PDE4D: variants seen among roughly 807,000 people sequenced by gnomAD.
PDE4D encodes 3',5'-cyclic-AMP phosphodiesterase 4D.
PDE4D carries 24 observed loss-of-function variants against 87.4 expected under a neutral mutation model. The observed-to-expected ratio is 0.27, with a 90% CI of 0.20 to 0.39. The LOEUF is 0.39. Ranked by LOEUF, PDE4D falls within the 10% of genes least tolerant of loss-of-function variation. The pLI is 1.00. For missense variants in PDE4D, 714 were observed against 1,041.0 expected, an observed-to-expected ratio of 0.69 and a Z score of 4.32; for synonymous variants, 384 against 383.2, an observed-to-expected ratio of 1.00 and a Z score of -0.02.
intron 1 of PDE4D, among the ~76,000 whole-genome samples, chr5:59,631,578 G>A (rs1157608343): frequency 1.3e-5 from 2 of 152,052 alleles, no homozygotes; most frequent in Admixed American, 6.6e-5. Flanking sequence ...GTTAGACAGT[G>A]GGTGCAGCCC....
rs115172015 is a variant in PDE4D, at chr5:60,301,365, C to T, written c.-89-115678G>A. Among the ~76,000 whole-genome samples, 703 of 151,946 alleles carry T rather than the reference C, an allele frequency of 4.6e-3. 6 individuals carry two copies. Among genetic ancestry groups the T allele is most frequent in the African/African-American group, 0.016 (671 of 41,508 alleles). ...CATGAGCATGAAATGTTGTTCCATT[C>T]GTGTTATGTCTGATTTCTTTGAGCA... On this transcript the variant is annotated intron_variant, in intron 1 of 16. Coordinates refer to the PDE4D transcript ENST00000502484.
intron 2 of PDE4D, among the ~76,000 whole-genome samples, chr5:60,090,608 A>G (rs768683421): frequency 4.6e-5 from 7 of 152,200 alleles, no homozygotes; most frequent in Non-Finnish European, 1.0e-4. Context: ...CTTTCTTCCA[A>G]GATCTGAACA....
rs148616744 is a variant in PDE4D, at chr5:59,019,019, C to G, written c.921+19840G>C. ...AGGGCATTTCCGCTTAGATACATAG[C>G]CTTACCTAAATTATATGTCTAAAAA... On this transcript the variant is annotated intron_variant, in intron 6 of 14. Transcript: ENST00000340635. Among the ~76,000 whole-genome samples, 74 of 151,634 alleles carry G rather than the reference C, an allele frequency of 4.9e-4. 1 individual carries two copies. The East Asian group carries it at 0.012, about 24-fold the overall frequency.
intron 1 of PDE4D, among the ~76,000 whole-genome samples, chr5:59,518,212 T>C (rs552799703): frequency 6.6e-6 from 1 of 152,080 alleles, no homozygotes; most frequent in South Asian, 2.1e-4. Flanking sequence ...TGTGTGTGTG[T>C]GTGTGTGTGT....
At chr5:59,591,709 T>C (rs1360777787) in intron 1 of PDE4D, among the ~76,000 whole-genome samples, 1 of 152,176 alleles carries the variant, frequency 6.6e-6, no homozygotes, top group African/African-American at 2.4e-5. Flanking sequence ...TTTTGTCCCT[T>C]AGATGTCAAA....
At chr5:60,114,275 A>C (rs1321892770) in intron 2 of PDE4D, among the ~76,000 whole-genome samples, 1 of 152,110 alleles carries the variant, frequency 6.6e-6, no homozygotes, top group African/African-American at 2.4e-5. Flanking sequence ...ATATAAGTGA[A>C]GTGGTAGGGC....
intron 1 of PDE4D, among the ~76,000 whole-genome samples, chr5:59,527,315 T>A (rs1413410490): frequency 6.6e-6 from 1 of 152,222 alleles, no homozygotes; most frequent in African/African-American, 2.4e-5. Flanking sequence ...GATCCTTTTT[T>A]AACCCTGTAA....
chr5:59,779,693 T>C lies in PDE4D; in HGVS notation c.455+113475A>G, dbSNP rs903855964. Among the ~76,000 whole-genome samples, 9 of 152,232 alleles carry C rather than the reference T, an allele frequency of 5.9e-5. No individual in the cohort carries two copies. The South Asian group carries it at 1.9e-3, about 32-fold the overall frequency. On this transcript the variant is annotated intron_variant, in intron 1 of 14. Coordinates refer to ENST00000340635, the MANE Select transcript of PDE4D (RefSeq NM_001104631.2). ...TCTCTTGCTATTTTTAGCTGATGCA[T>C]AGTATTCAATAGTATGGTTATTTCA...
intron 1 of PDE4D, among the ~76,000 whole-genome samples, chr5:59,302,453 T>G (rs1277900710): frequency 6.6e-6 from 1 of 152,158 alleles, no homozygotes; most frequent in African/African-American, 2.4e-5. Flanking sequence ...TAGTGGTGAT[T>G]TGTGAGATTT....
intron 1 of PDE4D, among the ~76,000 whole-genome samples, chr5:59,357,495 G>GAA: frequency 6.6e-6 from 1 of 150,566 alleles, no homozygotes; most frequent in East Asian, 1.9e-4. Flanking sequence ...GTCAGTGTGA[G>GAA]AAAAAAAAAC....
At chr5:59,173,299 A>T (rs1783304394) in intron 5 of PDE4D, among the ~76,000 whole-genome samples, 1 of 152,194 alleles carries the variant, frequency 6.6e-6, no homozygotes, top group Admixed American at 6.6e-5. Context: ...ACGGTGTCAG[A>T]TCTGATCTTT....
chr5:59,380,703 A>T (rs1203913645), intron 1 of PDE4D, among the ~76,000 whole-genome samples: 3 of 152,102 alleles, frequency 2.0e-5, no homozygotes, highest in Non-Finnish European at 4.4e-5. Context: ...CTTGTTTCTG[A>T]ACTCCAGTTG....
intron 2 of PDE4D, among the ~76,000 whole-genome samples, chr5:60,051,322 A>G (rs1770122547): frequency 2.0e-5 from 3 of 152,204 alleles, no homozygotes; most frequent in Admixed American, 6.5e-5. Context: ...GCAAAAGAAC[A>G]GAAATCATAA....
intron 6 of PDE4D, among the ~76,000 whole-genome samples, chr5:59,015,874 CA>C (rs1288519152): frequency 6.6e-6 from 1 of 152,146 alleles, no homozygotes; most frequent in Non-Finnish European, 1.5e-5. Flanking sequence ...GGAACCAACC[CA>C]AATGTCCACC....
intron 3 of PDE4D, among the ~76,000 whole-genome samples, chr5:59,975,750 T>C (rs1231416220): frequency 6.6e-6 from 1 of 152,258 alleles, no homozygotes; most frequent in Non-Finnish European, 1.5e-5. Flanking sequence ...CAATTGGCAT[T>C]CTGGTCTAGC....
At chr5:60,468,922 C>T (rs1747605802) in intron 1 of PDE4D, among the ~76,000 whole-genome samples, 1 of 152,146 alleles carries the variant, frequency 6.6e-6, no homozygotes, top group Admixed American at 6.5e-5. Context: ...CTCTCTCCAT[C>T]GTCCCCACCA....
chr5:60,444,346 C>T, intron 1 of PDE4D, among the ~76,000 whole-genome samples: 1 of 152,086 alleles, frequency 6.6e-6, no homozygotes, highest in East Asian at 1.9e-4. Context: ...TTGTTTGCAT[C>T]CATTCTTCTG....
intron 1 of PDE4D, among the ~76,000 whole-genome samples, chr5:60,228,043 C>A (rs780110652): frequency 6.6e-6 from 1 of 151,978 alleles, no homozygotes; most frequent in Non-Finnish European, 1.5e-5. Context: ...TCTCCCATTG[C>A]CCATCACTTT....
At chr5:59,897,015 T>C (rs1472647171), upstream of PDE4D, among the ~76,000 whole-genome samples, 1 of 152,232 alleles carries the variant, frequency 6.6e-6, no homozygotes, top group Non-Finnish European at 1.5e-5. Context: ...TGGAGTTTTA[T>C]GGGCACAGTC....
Sources: gnomAD v4.1 joint callset for allele counts (sites outside exome capture counted in the v4.1 genomes callset) on GRCh38, gnomAD v4.1.1 for gene constraint, MANE v1.5 for transcripts, NCBI Gene and HGNC (gene_info 2026-07-23, HGNC 2026-07-21) for gene names.